Variants in ZHX3 observed in about 807,000 individuals in gnomAD.
The protein encoded by ZHX3 is zinc fingers and homeoboxes 3, also known as zinc fingers and homeoboxes protein 3.
A neutral mutation model predicts 64.5 loss-of-function variants in ZHX3; 20 were observed. The ratio of observed to expected loss-of-function variants is 0.31; its 90% CI spans 0.22 to 0.45. The LOEUF is 0.45. Among genes scored for constraint, ZHX3 ranks in the 20% least tolerant of loss-of-function variants. The probability of loss-of-function intolerance (pLI) is 1.00; values close to 1 mark genes in which losing one functional copy is unlikely to be tolerated. For synonymous variants in ZHX3, 423 were observed against 461.6 expected (o/e 0.92, Z 1.07); for missense variants, 1,041 against 1,195.8 (o/e 0.87, Z 1.91).
intron 1 of ZHX3, among the ~76,000 whole-genome samples, chr20:41,278,856 T>C (rs1309497368): frequency 6.9e-6 from 1 of 144,106 alleles, no homozygotes; most frequent in Non-Finnish European, 1.5e-5. Context: ...CACTGCAAGC[T>C]CTGCCTCCCG....
At chr20:41,218,740 A>C (rs1236432293) in intron 2 of ZHX3, among the ~76,000 whole-genome samples, 1 of 152,184 alleles carries the variant, frequency 6.6e-6, no homozygotes, top group Non-Finnish European at 1.5e-5. Context: ...TGCTGAAAAC[A>C]AAAAAGTTAC....
chr20:41,285,601 T>C (rs2043897923), intron 1 of ZHX3, among the ~76,000 whole-genome samples: 1 of 152,264 alleles, frequency 6.6e-6, no homozygotes, highest in African/African-American at 2.4e-5. Flanking sequence ...TTTAATTTAC[T>C]GTATCAATAA....
chr20:41,187,702 G>C (rs1011696229), intron 3 of ZHX3, among the ~76,000 whole-genome samples: 5 of 152,182 alleles, frequency 3.3e-5, no homozygotes, highest in African/African-American at 1.2e-4. Context: ...AATCAAGTGA[G>C]TGTGACTCCT....
At chr20:41,191,992 C>G (rs1568788076) in intron 3 of ZHX3, among the ~76,000 whole-genome samples, 2 of 152,144 alleles carry the variant, frequency 1.3e-5, no homozygotes, top group Non-Finnish European at 2.9e-5. Context: ...GTGGCTTACT[C>G]AGATGTCAGT....
At chr20:41,250,732 C>T (rs1214683301) in intron 2 of ZHX3, among the ~76,000 whole-genome samples, 2 of 152,208 alleles carry the variant, frequency 1.3e-5, no homozygotes, top group South Asian at 2.1e-4. Flanking sequence ...GAAATCCACA[C>T]TAAGACACAT....
At chr20:41,197,764 A>G (rs1182040887) in intron 3 of ZHX3, among the ~76,000 whole-genome samples, 1 of 151,854 alleles carries the variant, frequency 6.6e-6, no homozygotes, top group East Asian at 1.9e-4. Context: ...CTCCTTTTGT[A>G]TTTATTTGAT....
rs1414621031 is a variant in ZHX3, at chr20:41,204,209, T to C, written c.708A>G (p.Ala236=). The change falls in exon 3 of 4, where the codon GCA becomes GCG. Residue 236 remains alanine (A), a synonymous_variant. Transcript: ENST00000683867. This position sits in a 1 kb window ranked among gnomAD's most constrained non-coding sequence, Gnocchi z 6.6. The part of the protein sequence containing the change: ...REGDHSFING[A]VPVSQASASS... ...TGGCAGATGCCTGGCTGACTGGAAC[T>C]GCCCCATTGATGAAGGAATGGTCCC... is the stretch of plus-strand genomic sequence containing the variant. 6.2e-7 allele frequency: 1 copy of C among 1,612,536 alleles called. No homozygotes were observed. The highest frequency in any genetic ancestry group is 1.7e-5 in the Admixed American group (1 of 59,910).
At chr20:41,277,652 T>C (rs960172619) in intron 1 of ZHX3, among the ~76,000 whole-genome samples, 16 of 151,476 alleles carry the variant, frequency 1.1e-4, no homozygotes, top group South Asian at 2.1e-4. Flanking sequence ...AGTGCAGTGG[T>C]GTGATCTCCG....
chr20:41,198,243 G>A (rs192130019), intron 3 of ZHX3, among the ~76,000 whole-genome samples: 4 of 151,978 alleles, frequency 2.6e-5, no homozygotes, highest in South Asian at 2.1e-4. Flanking sequence ...TGATCCACCC[G>A]CCTCGGCCTC....
chr20:41,260,135 A>ATGCC (rs2042481041), intron 2 of ZHX3, among the ~76,000 whole-genome samples: 1 of 152,082 alleles, frequency 6.6e-6, no homozygotes, highest in Non-Finnish European at 1.5e-5. Context: ...CAAAAGGCAT[A>ATGCC]TAGGTAAAGA....
intron 2 of ZHX3, among the ~76,000 whole-genome samples, chr20:41,211,372 T>G (rs2039146526): frequency 6.6e-6 from 1 of 152,144 alleles, no homozygotes. Context: ...ACACGGCTAT[T>G]TTATGATGAA....
At chr20:41,282,534 A>C (rs2043740805) in intron 1 of ZHX3, among the ~76,000 whole-genome samples, 1 of 151,748 alleles carries the variant, frequency 6.6e-6, no homozygotes, top group Non-Finnish European at 1.5e-5. Flanking sequence ...AATTTTTTGT[A>C]ATTTTAGTAG....
At chr20:41,309,295 G>A (rs2045063387) in intron 1 of ZHX3, among the ~76,000 whole-genome samples, 1 of 152,102 alleles carries the variant, frequency 6.6e-6, no homozygotes, top group Admixed American at 6.6e-5. Flanking sequence ...TCAGACCCAG[G>A]CAATAGGCTT....
intron 2 of ZHX3, among the ~76,000 whole-genome samples, chr20:41,220,676 T>G (rs985168407): frequency 7.9e-5 from 12 of 151,978 alleles, no homozygotes; most frequent in South Asian, 2.1e-4. Context: ...TTTTTGGTTT[T>G]TTTTGTTTTG....
At chr20:41,207,474 C>A (rs1380873847) in intron 2 of ZHX3, among the ~76,000 whole-genome samples, 1 of 152,106 alleles carries the variant, frequency 6.6e-6, no homozygotes, top group Admixed American at 6.6e-5. Flanking sequence ...TGTAAAAGAA[C>A]AGAAATTATA....
At chr20:41,257,988 C>T (rs1043598349) in intron 2 of ZHX3, among the ~76,000 whole-genome samples, 1 of 148,524 alleles carries the variant, frequency 6.7e-6, no homozygotes, top group Admixed American at 6.7e-5. Flanking sequence ...CAACCTCCAC[C>T]TCCCAGGTTC....
At chr20:41,301,839 G>A (rs919397508) in intron 1 of ZHX3, among the ~76,000 whole-genome samples, 2 of 151,840 alleles carry the variant, frequency 1.3e-5, no homozygotes, top group African/African-American at 4.8e-5. Context: ...CGGATCACGA[G>A]GTCAGGAGAT....
chr20:41,205,344 A>G (rs1295902061), intron 2 of ZHX3, among the ~76,000 whole-genome samples: 1 of 152,208 alleles, frequency 6.6e-6, no homozygotes, highest in African/African-American at 2.4e-5. Context: ...TGCATTAAGT[A>G]ATTCAGATTA....
At chr20:41,197,776 G>A (rs1162717530) in intron 3 of ZHX3, among the ~76,000 whole-genome samples, 17 of 151,722 alleles carry the variant, frequency 1.1e-4, no homozygotes, top group Admixed American at 1.1e-3. Context: ...TTATTTGATT[G>A]TTCACAATGT....
Sources: allele counts gnomAD v4.1 joint callset (sites outside exome capture counted in the v4.1 genomes callset), GRCh38; gene constraint gnomAD v4.1.1; non-coding constraint Gnocchi (gnomAD v3.1); transcripts MANE v1.5; gene names NCBI Gene and HGNC (gene_info 2026-07-23, HGNC 2026-07-21).